Variants in ERBB4 observed in about 807,000 individuals in gnomAD.
ERBB4 encodes receptor tyrosine-protein kinase erbB-4.
Under a neutral mutation model 158.0 loss-of-function variants are expected in ERBB4, and 42 were observed. The ratio of observed to expected loss-of-function variants is 0.27; its 90% confidence interval spans 0.21 to 0.34. ERBB4 has a LOEUF of 0.34. ERBB4 is among the 10% of genes least tolerant of loss of function. ERBB4 has a pLI of 1.00. For synonymous variants in ERBB4, 583 were observed against 558.7 expected, an observed-to-expected ratio of 1.04 and a Z score of -0.61; for missense variants, 1,333 against 1,624.1, an observed-to-expected ratio of 0.82 and a Z score of 3.08.
At chr2:211,518,377 G>T (rs989781582) in intron 20 of ERBB4, among the ~76,000 whole-genome samples, 1 of 108,106 alleles carries the variant, frequency 9.3e-6, no homozygotes, top group Non-Finnish European at 1.8e-5. Flanking sequence ...ACTAGGTCAA[G>T]GAATTTAGAA....
intron 1 of ERBB4, among the ~76,000 whole-genome samples, chr2:212,486,565 T>G (rs1449070563): frequency 6.6e-6 from 1 of 152,150 alleles, no homozygotes; most frequent in Non-Finnish European, 1.5e-5. Context: ...GGTAGTACCT[T>G]TTTTACTGTA....
intron 3 of ERBB4, among the ~76,000 whole-genome samples, chr2:211,891,372 C>A (rs1308971452): frequency 4.5e-4 from 44 of 97,348 alleles, no homozygotes; most frequent in African/African-American, 1.6e-3. Context: ...AACAAAGACA[C>A]AACATACCAG....
chr2:212,426,062 C>T (rs1001421537), intron 1 of ERBB4, among the ~76,000 whole-genome samples: 4 of 151,964 alleles, frequency 2.6e-5, no homozygotes, highest in Non-Finnish European at 5.9e-5. Context: ...GAGACTTTAT[C>T]TCCTTTCACA....
At chr2:211,667,322 G>A (rs571764555) in intron 14 of ERBB4, among the ~76,000 whole-genome samples, 3 of 151,728 alleles carry the variant, frequency 2.0e-5, no homozygotes, top group Non-Finnish European at 4.4e-5. Context: ...AAATGGAGGC[G>A]TGTGAATAGA....
At chr2:212,068,383 A>G (rs2078005720) in intron 2 of ERBB4, among the ~76,000 whole-genome samples, 1 of 152,062 alleles carries the variant, frequency 6.6e-6, no homozygotes, top group Non-Finnish European at 1.5e-5. Context: ...ACTAGTTCCC[A>G]ACACAGCCGA....
At chr2:212,445,560 C>T (rs541570686) in intron 1 of ERBB4, among the ~76,000 whole-genome samples, 12 of 152,176 alleles carry the variant, frequency 7.9e-5, no homozygotes, top group East Asian at 3.9e-4. Flanking sequence ...GTGACTGACC[C>T]GGACTATCAA....
chr2:211,377,120 T>C lies in ERBB4; in HGVS notation c.*6495A>G. ...TGGTTGTAGTCCCCTCACTCCCCCCTCCCAGCCCCTGAGAGATCCAGAAAT... is the reference window on the plus strand; with the variant it reads ...TGGTTGTAGTCCCCTCACTCCCCCCCCCCAGCCCCTGAGAGATCCAGAAAT... On this transcript the variant is annotated 3_prime_UTR_variant, in exon 28 of 28. Transcript: ENST00000342788. 4.3e-6 allele frequency: 1 copy of C among 231,054 alleles called. No homozygotes were observed. The highest frequency in any genetic ancestry group is 8.6e-6 in the Non-Finnish European group (1 of 116,692). The allele number at this position is 231,054 out of a possible 1,614,324, so 14.3% of individuals were successfully genotyped here.
At chr2:212,502,944 G>A (rs1442697669) in intron 1 of ERBB4, among the ~76,000 whole-genome samples, 2 of 151,938 alleles carry the variant, frequency 1.3e-5, no homozygotes, top group Non-Finnish European at 2.9e-5. Context: ...CTAATTTTTC[G>A]TACAGACAGG....
chr2:212,090,960 T>C (rs1415986273), intron 2 of ERBB4, among the ~76,000 whole-genome samples: 1 of 152,212 alleles, frequency 6.6e-6, no homozygotes, highest in Non-Finnish European at 1.5e-5. Flanking sequence ...TAATTCTTTA[T>C]CTATCTTACG....
intron 19 of ERBB4, among the ~76,000 whole-genome samples, chr2:211,564,709 T>G (rs994095597): frequency 6.6e-6 from 1 of 151,812 alleles, no homozygotes; most frequent in Non-Finnish European, 1.5e-5. Context: ...GTACATAAAA[T>G]CAAGGAAACA....
chr2:212,400,963 C>T (rs1338323099), intron 1 of ERBB4, among the ~76,000 whole-genome samples: 1 of 152,118 alleles, frequency 6.6e-6, no homozygotes, highest in Non-Finnish European at 1.5e-5. Context: ...ATTAGTAGCT[C>T]AATAAATGCT....
intron 7 of ERBB4, among the ~76,000 whole-genome samples, chr2:211,713,978 T>C (rs1416384577): frequency 2.0e-5 from 3 of 152,212 alleles, no homozygotes; most frequent in Non-Finnish European, 4.4e-5. Flanking sequence ...TTTCATGACA[T>C]GACGCAAGTT....
intron 2 of ERBB4, among the ~76,000 whole-genome samples, chr2:212,108,735 C>A (rs2079308347): frequency 2.5e-5 from 3 of 120,734 alleles, no homozygotes. Context: ...TTTTCAGAAC[C>A]AAAGTATAAT....
intron 1 of ERBB4, 68 bp downstream of exon 1, chr2:212,538,381 G>A (rs1022644832): frequency 5.8e-6 from 8 of 1,385,004 alleles, no homozygotes; most frequent in Middle Eastern, 4.0e-4. Flanking sequence ...AAGAGGGCAG[G>A]GGAGCCACTC....
intron 7 of ERBB4, among the ~76,000 whole-genome samples, chr2:211,721,084 C>T (rs1265343399): frequency 1.3e-5 from 2 of 152,072 alleles, no homozygotes; most frequent in African/African-American, 2.4e-5. Context: ...GTACCACAGT[C>T]GAAAGGGGCT....
chr2:211,902,067 T>C (rs1361039392), intron 3 of ERBB4, among the ~76,000 whole-genome samples: 2 of 152,102 alleles, frequency 1.3e-5, no homozygotes, highest in African/African-American at 2.4e-5. Context: ...CTAATTCATA[T>C]ACATGGCAAC....
chr2:212,127,909 G>T (rs1205672732), intron 1 of ERBB4, among the ~76,000 whole-genome samples: 1 of 152,164 alleles, frequency 6.6e-6, no homozygotes, highest in South Asian at 2.1e-4. Context: ...GAATGAGCCT[G>T]CTGTCACCTT....
At chr2:212,496,614 G>A (rs745961032) in intron 1 of ERBB4, among the ~76,000 whole-genome samples, 3 of 152,098 alleles carry the variant, frequency 2.0e-5, no homozygotes, top group Non-Finnish European at 4.4e-5. Flanking sequence ...TTTTGTCCTT[G>A]TGTAACATTC....
chr2:211,630,305 G>T (rs529423442), intron 17 of ERBB4, among the ~76,000 whole-genome samples, 157 bp downstream of exon 17: 3 of 152,098 alleles, frequency 2.0e-5, no homozygotes, highest in Non-Finnish European at 4.4e-5. Context: ...AACATAATCT[G>T]ATTTTTCACA....
Sources: gnomAD v4.1 joint callset for allele counts (sites outside exome capture counted in the v4.1 genomes callset) on GRCh38, gnomAD v4.1.1 for gene constraint, MANE v1.5 for transcripts, NCBI Gene and HGNC (gene_info 2026-07-23, HGNC 2026-07-21) for gene names.